MAD1L1: variants seen among roughly 807,000 people sequenced by gnomAD.
MAD1L1 encodes the protein mitotic arrest deficient 1 like 1.
MAD1L1 carries 95 observed loss-of-function variants against 96.9 expected under a neutral mutation model. The observed-to-expected ratio is 0.98, with a 90% CI of 0.83 to 1.16. The LOEUF is 1.16. Among genes scored for constraint, MAD1L1 ranks in the 50% most tolerant of loss-of-function variants. MAD1L1 has a pLI of 0.00. For missense variants in MAD1L1, 1,007 were observed against 954.4 expected (o/e 1.06, Z -0.73); for synonymous variants, 473 against 396.6 (o/e 1.19, Z -2.29).
chr7:2,098,328 C>T (rs1038218522), intron 11 of MAD1L1, among the ~76,000 whole-genome samples: 11 of 152,184 alleles, frequency 7.2e-5, no homozygotes, highest in East Asian at 5.8e-4. Flanking sequence ...ATGAGGCCTG[C>T]GCAGCACACG....
intron 14 of MAD1L1, among the ~76,000 whole-genome samples, chr7:1,982,760 T>C (rs1244982166): frequency 6.6e-6 from 1 of 152,268 alleles, no homozygotes; most frequent in Non-Finnish European, 1.5e-5. Flanking sequence ...GTTGTGATAC[T>C]GGACATCCTT....
intron 10 of MAD1L1, among the ~76,000 whole-genome samples, chr7:2,152,556 C>T (rs930019642): frequency 6.6e-6 from 1 of 152,184 alleles, no homozygotes; most frequent in Non-Finnish European, 1.5e-5. Flanking sequence ...GAACGTCACA[C>T]GGGACCAGTC....
At chr7:1,882,503 C>T (rs114811501) in intron 18 of MAD1L1, among the ~76,000 whole-genome samples, 110 of 152,274 alleles carry the variant, frequency 7.2e-4, no homozygotes, top group African/African-American at 2.4e-3. Flanking sequence ...GCGCGCGGGC[C>T]GTGTTTGACG....
rs1295069798 is a variant in MAD1L1, at chr7:2,114,898, C to G, written c.1073+34254G>C. 6.6e-6 allele frequency among the ~76,000 whole-genome samples: 1 copy of G among 152,228 alleles called. No homozygotes were observed. The highest frequency in any genetic ancestry group is 1.5e-5 in the Non-Finnish European group (1 of 68,042). ...TCTCGGTAAGAATCTGCTTTGCAAA[C>G]ACAAGGGCCTCGAAGCCCCGCCTTC... On this transcript the variant is annotated intron_variant, in intron 11 of 18. Transcript: ENST00000265854. This position sits in a 1 kb window ranked among gnomAD's most constrained non-coding sequence, Gnocchi z 4.2.
chr7:2,108,942 G>A (rs1383419621), intron 11 of MAD1L1, among the ~76,000 whole-genome samples: 1 of 152,260 alleles, frequency 6.6e-6, no homozygotes, highest in Non-Finnish European at 1.5e-5. Context: ...CCCCGCGAGG[G>A]CTCGCAGGAA....
chr7:1,970,971 G>A (rs1780377750), intron 15 of MAD1L1, among the ~76,000 whole-genome samples: 1 of 152,224 alleles, frequency 6.6e-6, no homozygotes, highest in Non-Finnish European at 1.5e-5. Flanking sequence ...TTGTGTGCGA[G>A]TTGCGCTAAT....
chr7:2,200,595 GA>G (rs1195667038), intron 10 of MAD1L1: 3 of 152,324 alleles, frequency 2.0e-5, no homozygotes, highest in Non-Finnish European at 4.4e-5. Context: ...CAAAAGCCAG[GA>G]AAGTCAGATC....
rs1782114754 is a variant in MAD1L1 at position 2,008,038 on chromosome 7, G to A, written c.1360-5917C>T. 2.0e-5 allele frequency among the ~76,000 whole-genome samples: 3 copies of A among 152,244 alleles called. No homozygotes were observed. In the South Asian group the frequency reaches 6.2e-4, roughly 32 times the overall value. On this transcript the variant is annotated intron_variant, in intron 13 of 18. Transcript: ENST00000265854. The stretch of plus-strand genomic sequence containing the variant: ...CAACAGTCACAGGCCCCAGACCGGT[G>A]TCTCTACGAGCCAGGGGTGGCAGGA...
intron 12 of MAD1L1, among the ~76,000 whole-genome samples, chr7:2,026,670 G>A (rs1783009073): frequency 6.6e-6 from 1 of 152,276 alleles, no homozygotes; most frequent in South Asian, 2.1e-4. Flanking sequence ...TTGGGAATTT[G>A]AGAAATTTGT....
chr7:1,986,848 A>T (rs559162461), intron 14 of MAD1L1, among the ~76,000 whole-genome samples: 1 of 152,148 alleles, frequency 6.6e-6, no homozygotes, highest in African/African-American at 2.4e-5. Flanking sequence ...CCTTAGACTC[A>T]TAAGTAAGCT....
At chr7:1,892,320 G>C (rs541799492) in intron 18 of MAD1L1, among the ~76,000 whole-genome samples, 3 of 152,150 alleles carry the variant, frequency 2.0e-5, no homozygotes, top group Non-Finnish European at 4.4e-5. Context: ...CTGCCCACCA[G>C]CACGTTCCTC....
chr7:2,075,538 T>A (rs980871639), intron 11 of MAD1L1, among the ~76,000 whole-genome samples: 1 of 152,158 alleles, frequency 6.6e-6, no homozygotes, highest in Non-Finnish European at 1.5e-5. Context: ...CGTGAGCCTC[T>A]GGGAGTTCAG....
rs763061279 is a variant in MAD1L1, at chr7:2,230,046, C to T, written c.88G>A (p.Gly30Arg). 13 of 1,613,788 alleles carry T rather than the reference C, an allele frequency of 8.1e-6. No homozygotes were observed. The South Asian group carries it at 1.3e-4, about 16-fold the overall frequency. The change falls in exon 3 of 19, where the codon GGA becomes AGA. Residue 30 changes from glycine (G) to arginine (R), a missense_variant. Gly to Arg is a moderately radical substitution (Grantham distance 125). Coordinates refer to ENST00000265854, the MANE Select transcript of MAD1L1 (RefSeq NM_001013836.2). The stretch of plus-strand genomic sequence containing the variant: ...GGGGCCGAGGTAGAAATATCCAGTC[C>T]AGAGCCTCCCTCCACACGCTGAGAG... ...FISQRVEGGSGLDISTSAPGS... is the reference protein window; with the variant it reads ...FISQRVEGGSRLDISTSAPGS...
intron 18 of MAD1L1, among the ~76,000 whole-genome samples, chr7:1,895,423 G>A (rs1384192875): frequency 1.3e-5 from 2 of 152,174 alleles, no homozygotes; most frequent in African/African-American, 4.8e-5. Context: ...CCCCTGCCTG[G>A]GTTGCCCAGA....
chr7:1,916,783 G>C (rs1006025901), intron 17 of MAD1L1, among the ~76,000 whole-genome samples: 1 of 152,100 alleles, frequency 6.6e-6, no homozygotes, highest in African/African-American at 2.4e-5. Flanking sequence ...CACGGTGGGG[G>C]CCAGGCTGGG....
intron 18 of MAD1L1, among the ~76,000 whole-genome samples, chr7:1,837,718 G>A (rs1783007753): frequency 6.6e-6 from 1 of 152,234 alleles, no homozygotes; most frequent in Non-Finnish European, 1.5e-5. Flanking sequence ...CAGAAACTCT[G>A]GAAAACGTGG....
chr7:1,978,831 C>T (rs1260000239), intron 15 of MAD1L1, among the ~76,000 whole-genome samples: 1 of 152,168 alleles, frequency 6.6e-6, no homozygotes, highest in African/African-American at 2.4e-5. Context: ...CCATCAGCCT[C>T]CATGCTCGGC....
intron 11 of MAD1L1, among the ~76,000 whole-genome samples, chr7:2,097,916 CT>C (rs1786575778): frequency 6.6e-6 from 1 of 152,260 alleles, no homozygotes; most frequent in East Asian, 1.9e-4. Flanking sequence ...AGGGGTGCCC[CT>C]GCTGTAGGCT....
chr7:1,905,727 A>AC (rs1366793135), intron 17 of MAD1L1, among the ~76,000 whole-genome samples: 1 of 152,032 alleles, frequency 6.6e-6, no homozygotes, highest in Non-Finnish European at 1.5e-5. Flanking sequence ...GGCCGGCCTG[A>AC]CCCCCATCTG....
Sources: allele counts gnomAD v4.1 joint callset (sites outside exome capture counted in the v4.1 genomes callset), GRCh38; gene constraint gnomAD v4.1.1; non-coding constraint Gnocchi (gnomAD v3.1); transcripts MANE v1.5; gene names NCBI Gene and HGNC (gene_info 2026-07-23, HGNC 2026-07-21).